Variants in EXOC6B observed in about 807,000 individuals in gnomAD.
The protein encoded by EXOC6B is SEC15 homolog B.
Under a neutral mutation model 113.5 loss-of-function variants are expected in EXOC6B, and 54 were observed. The observed-to-expected ratio is 0.48, with a 90% CI of 0.38 to 0.60. The LOEUF (loss-of-function observed/expected upper bound fraction) is 0.60. Ranked by LOEUF, EXOC6B falls within the 20% of genes least tolerant of loss-of-function variation. EXOC6B has a pLI of 0.00. For synonymous variants in EXOC6B, 357 were observed against 339.0 expected (o/e 1.05, Z -0.58); for missense variants, 797 against 977.5 (o/e 0.82, Z 2.46).
chr2:72,690,836 AAAAT>A (rs1399163757), intron 6 of EXOC6B, among the ~76,000 whole-genome samples: 2 of 152,182 alleles, frequency 1.3e-5, no homozygotes, highest in African/African-American at 4.8e-5. Flanking sequence ...GTGTCTCCCA[AAAAT>A]ATTTGTTCAA....
chr2:72,530,738 T>G (rs1291772179), intron 8 of EXOC6B, among the ~76,000 whole-genome samples: 2 of 152,164 alleles, frequency 1.3e-5, no homozygotes, highest in Non-Finnish European at 2.9e-5. Flanking sequence ...TTACTTCACA[T>G]ATTTTGCAGT....
chr2:72,413,877 T>TGAG (rs887734137), intron 18 of EXOC6B, among the ~76,000 whole-genome samples: 2 of 152,188 alleles, frequency 1.3e-5, no homozygotes, highest in African/African-American at 4.8e-5. Flanking sequence ...TTGACTCTAC[T>TGAG]GTTCCATGAA....
rs1701129842 is a variant in EXOC6B at position 72,514,741 on chromosome 2, A to C, written c.1000-61T>G. ...TGTTTTGTTACATTAAGACTAAGTT[A>C]AAATCAGTCACTTAATCTCTTAAGG... On this transcript the variant is annotated intron_variant, in intron 9 of 21. Coordinates refer to ENST00000272427, the MANE Select transcript of EXOC6B (RefSeq NM_015189.3). 18 of 1,033,538 alleles carry C rather than the reference A, an allele frequency of 1.7e-5. No individual in the cohort carries two copies. In the South Asian group the frequency reaches 2.6e-4, roughly 15 times the overall value. 64.0% of individuals were successfully genotyped at this position (1,033,538 alleles called of 1,614,324 possible). A position where few individuals can be genotyped will look rare whatever the true frequency, so the allele number is the denominator to read the frequency against.
chr2:72,193,997 C>G (rs1314082314), intron 20 of EXOC6B, among the ~76,000 whole-genome samples: 1 of 152,170 alleles, frequency 6.6e-6, no homozygotes, highest in Non-Finnish European at 1.5e-5. Flanking sequence ...GTAGTTGTGA[C>G]AGAGACCATA....
chr2:72,228,323 T>C (rs1477514729), intron 20 of EXOC6B, among the ~76,000 whole-genome samples: 2 of 152,136 alleles, frequency 1.3e-5, no homozygotes, highest in Non-Finnish European at 2.9e-5. Context: ...ACGTGCAGGT[T>C]TGTTACATAT....
At position 72,253,662 on chromosome 2, in the gene EXOC6B, C is replaced by T. The variant is rs999603504; in HGVS notation, c.2197-69475G>A. On this transcript the variant is annotated intron_variant, in intron 20 of 21. Coordinates refer to ENST00000272427, the MANE Select transcript of EXOC6B (RefSeq NM_015189.3). ...GCTAAATATCGAGTACATATGGACA[C>T]AAAGAAGGGAACAAGAGGCACTGGG... Among the ~76,000 whole-genome samples, 8 of 152,060 alleles carry T rather than the reference C, an allele frequency of 5.3e-5. No individual in the cohort carries two copies. The South Asian group carries it at 6.2e-4, about 12-fold the overall frequency.
chr2:72,691,546 T>A (rs1421188675), intron 6 of EXOC6B, among the ~76,000 whole-genome samples: 2 of 152,116 alleles, frequency 1.3e-5, no homozygotes, highest in Non-Finnish European at 2.9e-5. Context: ...ATTTTATAAA[T>A]AACTTTTATT....
At chr2:72,552,364 C>T (rs572419430) in intron 8 of EXOC6B, among the ~76,000 whole-genome samples, 1 of 152,034 alleles carries the variant, frequency 6.6e-6, no homozygotes, top group African/African-American at 2.4e-5. Context: ...AGCACAGAAA[C>T]AAAATGTTAA....
At chr2:72,718,357 A>G (rs772517175) in intron 5 of EXOC6B, 50 bp from the exon 6 acceptor site, 1 of 1,521,666 alleles carries the variant, frequency 6.6e-7, no homozygotes, top group South Asian at 1.2e-5. Flanking sequence ...CTTTAGGGTT[A>G]GGCAAAATGT....
chr2:72,216,184 A>G (rs1325474027), intron 20 of EXOC6B, among the ~76,000 whole-genome samples: 1 of 152,150 alleles, frequency 6.6e-6, no homozygotes, highest in Non-Finnish European at 1.5e-5. Flanking sequence ...GGGTAGAGAC[A>G]CTGTAAGATG....
chr2:72,557,466 C>G (rs1370520349), intron 8 of EXOC6B, among the ~76,000 whole-genome samples: 1 of 151,966 alleles, frequency 6.6e-6, no homozygotes, highest in East Asian at 1.9e-4. Flanking sequence ...CATGTGCAGC[C>G]ATAAAAAAGA....
At chr2:72,239,328 C>T (rs942444685) in intron 20 of EXOC6B, among the ~76,000 whole-genome samples, 6 of 152,160 alleles carry the variant, frequency 3.9e-5, no homozygotes, top group Non-Finnish European at 5.9e-5. Flanking sequence ...ACATTTAGGT[C>T]TTTGATACAC....
intron 6 of EXOC6B, among the ~76,000 whole-genome samples, chr2:72,578,265 G>A (rs965221322): frequency 6.6e-6 from 1 of 152,026 alleles, no homozygotes; most frequent in African/African-American, 2.4e-5. Context: ...AGATATAAGG[G>A]AAATTGGGCA....
intron 6 of EXOC6B, among the ~76,000 whole-genome samples, chr2:72,654,934 T>C (rs1674477392): frequency 6.6e-6 from 1 of 152,184 alleles, no homozygotes; most frequent in Non-Finnish European, 1.5e-5. Context: ...CACGCATAAA[T>C]AGTAATAAAT....
In EXOC6B at chr2:72,334,974, C is replaced by A. The variant is rs776467599; in HGVS notation, c.2169G>T (p.Leu723=). The A allele has an allele frequency of 6.2e-7, 1 of 1,613,402 alleles. No homozygotes were observed. The highest frequency in any genetic ancestry group is 1.3e-5 in the African/African-American group (1 of 74,960). ...GPVPGFQEDT[L]QLAFIDLRQL... ...GTCTCAAGTCGATGAAGGCCAACTG[C>A]AGCGTGTCCTCCTGGAACCCAGGCA... The change falls in exon 20 of 22, where the codon CTG becomes CTT. Residue 723 remains leucine, a synonymous_variant. Coordinates refer to ENST00000272427, the MANE Select transcript of EXOC6B (RefSeq NM_015189.3).
At chr2:72,387,582 G>T (rs1030917035) in intron 18 of EXOC6B, among the ~76,000 whole-genome samples, 1 of 151,906 alleles carries the variant, frequency 6.6e-6, no homozygotes, top group Non-Finnish European at 1.5e-5. Flanking sequence ...TGTATAATTT[G>T]TGTAATTCAA....
intron 20 of EXOC6B, among the ~76,000 whole-genome samples, chr2:72,281,032 A>C (rs905755665): frequency 2.0e-5 from 3 of 152,168 alleles, no homozygotes; most frequent in Non-Finnish European, 4.4e-5. Flanking sequence ...TGACAAGATA[A>C]AAATTGGAGT....
chr2:72,396,618 C>T (rs145248474), intron 18 of EXOC6B, among the ~76,000 whole-genome samples: 1 of 152,128 alleles, frequency 6.6e-6, no homozygotes, highest in East Asian at 1.9e-4. Flanking sequence ...AAACATCTAT[C>T]CCCTGTTCTC....
intron 1 of EXOC6B, among the ~76,000 whole-genome samples, chr2:72,782,757 A>G (rs1684132346): frequency 6.6e-6 from 1 of 152,058 alleles, no homozygotes; most frequent in Non-Finnish European, 1.5e-5. Flanking sequence ...GTTCCCACAT[A>G]TGAGTGACAA....
Sources: allele counts gnomAD v4.1 joint callset (sites outside exome capture counted in the v4.1 genomes callset), GRCh38; gene constraint gnomAD v4.1.1; transcripts MANE v1.5; gene names NCBI Gene and HGNC (gene_info 2026-07-23, HGNC 2026-07-21).